The following RASEF variants were observed in gnomAD, a reference collection of about 807,000 sequenced individuals.
RASEF encodes ras and EF-hand domain-containing protein.
A neutral mutation model predicts 90.1 loss-of-function variants in RASEF; 68 were observed. The observed-to-expected ratio is 0.75, with a 90% CI of 0.62 to 0.92. The LOEUF (loss-of-function observed/expected upper bound fraction) is 0.92, where lower values mean the gene tolerates loss of function less well. RASEF is among the 40% of genes least tolerant of loss of function. RASEF has a pLI of 0.00. For missense variants in RASEF, 949 were observed against 937.2 expected, an observed-to-expected ratio of 1.01 and a Z score of -0.16; for synonymous variants, 331 against 345.2, an observed-to-expected ratio of 0.96 and a Z score of 0.46.
the RASEF span, among the ~76,000 whole-genome samples, chr9:83,134,219 G>A: frequency 2.0e-5 from 3 of 151,992 alleles, no homozygotes; most frequent in Non-Finnish European, 4.4e-5. Flanking sequence ...TAGCAGAGGT[G>A]GTTTTACTGT....
At chr9:83,173,201 T>C in the RASEF span, among the ~76,000 whole-genome samples, 15 of 151,948 alleles carry the variant, frequency 9.9e-5, no homozygotes, top group Admixed American at 7.9e-4. Context: ...TTTGAGAGTT[T>C]GATTATTTTA....
chr9:83,172,034 A>T, the RASEF span, among the ~76,000 whole-genome samples: 1 of 151,784 alleles, frequency 6.6e-6, no homozygotes, highest in Non-Finnish European at 1.5e-5. Context: ...TACTTTTTTG[A>T]TGTAGGCATT....
the RASEF span, among the ~76,000 whole-genome samples, chr9:83,190,734 A>G: frequency 2.0e-5 from 3 of 152,178 alleles, no homozygotes; most frequent in Non-Finnish European, 4.4e-5. Context: ...ATTGCCGATG[A>G]TGTACTTTAA....
At chr9:83,185,193 T>C in the RASEF span, among the ~76,000 whole-genome samples, 3 of 151,892 alleles carry the variant, frequency 2.0e-5, no homozygotes, top group Non-Finnish European at 2.9e-5. Flanking sequence ...ATAATTTAAA[T>C]AGGAATAAAA....
the RASEF span, among the ~76,000 whole-genome samples, chr9:83,125,947 C>G: frequency 6.6e-6 from 1 of 152,174 alleles, no homozygotes; most frequent in Non-Finnish European, 1.5e-5. Flanking sequence ...ATCCATGAAC[C>G]AGTGCTATGA....
the RASEF span, among the ~76,000 whole-genome samples, chr9:83,147,576 G>T: frequency 6.6e-6 from 1 of 152,084 alleles, no homozygotes. Flanking sequence ...TTGGGCTCTG[G>T]CCCCATGGTA....
At chr9:83,139,529 G>T in the RASEF span, among the ~76,000 whole-genome samples, 1 of 152,128 alleles carries the variant, frequency 6.6e-6, no homozygotes, top group Non-Finnish European at 1.5e-5. Context: ...ATAAGGAAGA[G>T]AAAATATATT....
the RASEF span, among the ~76,000 whole-genome samples, chr9:83,068,491 A>C: frequency 6.6e-6 from 1 of 152,204 alleles, no homozygotes; most frequent in Non-Finnish European, 1.5e-5. Flanking sequence ...TGAGGATGTC[A>C]CCCTGCTGAC....
chr9:83,163,679 G>T, the RASEF span, among the ~76,000 whole-genome samples: 2,970 of 152,100 alleles, frequency 0.02, 94 homozygotes, highest in African/African-American at 0.068. Context: ...ACATCAAAGA[G>T]AAAACATACC....
chr9:83,059,269 TAC>T (rs59546421), intron 1 of RASEF, among the ~76,000 whole-genome samples: 3,454 of 128,944 alleles, frequency 0.027, 118 homozygotes, highest in African/African-American at 0.088. Flanking sequence ...AAATGCTCAA[TAC>T]ACACACACAC....
At chr9:83,013,890 A>G (rs1320799944) in intron 4 of RASEF, among the ~76,000 whole-genome samples, 1 of 152,238 alleles carries the variant, frequency 6.6e-6, no homozygotes, top group Admixed American at 6.5e-5. Context: ...TTTATAGATC[A>G]GAAACTAAAA....
At chr9:83,186,203 A>G in the RASEF span, among the ~76,000 whole-genome samples, 2 of 152,180 alleles carry the variant, frequency 1.3e-5, no homozygotes, top group Non-Finnish European at 2.9e-5. Context: ...CCCTGGTTTG[A>G]GGAGTCCTGT....
intron 1 of RASEF, among the ~76,000 whole-genome samples, chr9:83,060,739 T>C (rs2117917830): frequency 6.6e-6 from 1 of 152,356 alleles, no homozygotes; most frequent in East Asian, 1.9e-4. Context: ...CAACTCAGTT[T>C]AGATCTCTTC....
the RASEF span, among the ~76,000 whole-genome samples, chr9:83,094,997 C>T: frequency 1.1e-4 from 16 of 152,146 alleles, no homozygotes; most frequent in Non-Finnish European, 1.9e-4. Flanking sequence ...GAAATTACTG[C>T]AGTAATCTCC....
Position 83,000,907 on chromosome 9 carries a change from A to C in RASEF, c.1426T>G (p.Ser476Ala), listed in dbSNP as rs546741924. 4.6e-5 allele frequency: 74 copies of C among 1,613,722 alleles called. No individual in the cohort carries two copies. In the South Asian group the frequency reaches 8.0e-4, roughly 17 times the overall value. The change falls in exon 10 of 17, where the codon TCA (serine) becomes GCA (alanine). Residue 476 changes from serine to alanine, a missense_variant. Around this residue, in one of 3 missense-constraint regions of RASEF, gnomAD observed 288 missense variants for 328.4 expected, o/e 0.88. Coordinates refer to ENST00000376447, the MANE Select transcript of RASEF (RefSeq NM_152573.4). ...TTTCTGGGGCTTACATCTGTGTCTG[A>C]AGCATCACCTCCAAAGCTCTCCTGC... ...GVQESFGGDASDTDVPDIRDE... is the reference protein window; with the variant it reads ...GVQESFGGDAADTDVPDIRDE...
the RASEF span, among the ~76,000 whole-genome samples, chr9:83,209,181 G>A: frequency 1.3e-5 from 2 of 152,338 alleles, no homozygotes; most frequent in East Asian, 3.9e-4. Flanking sequence ...GGTAACGCCT[G>A]AAGGCCCCTC....
chr9:83,055,291 G>A lies in RASEF; in HGVS notation c.431+7146C>T, dbSNP rs535061919. 8.4e-6 allele frequency: 3 copies of A among 356,570 alleles called. No homozygotes were observed. The East Asian group carries it at 2.1e-4, about 25-fold the overall frequency. The allele number at this position is 356,570 out of a possible 1,614,324, so 22.1% of individuals were successfully genotyped here. On this transcript the variant is annotated intron_variant, in intron 1 of 16. Transcript: ENST00000376447. ...GGTCTGAAAAGCGCAATATTCGGGT[G>A]GGAGTGACCCGATTTTCCAGGTGCG...
the RASEF span, among the ~76,000 whole-genome samples, chr9:83,071,011 G>GTT: frequency 2.6e-5 from 4 of 152,172 alleles, no homozygotes; most frequent in African/African-American, 9.7e-5. Context: ...TGTGGTGGCT[G>GTT]TTTTATAGAA....
At chr9:83,103,938 A>G in the RASEF span, among the ~76,000 whole-genome samples, 1 of 152,324 alleles carries the variant, frequency 6.6e-6, no homozygotes, top group South Asian at 2.1e-4. Context: ...CCATTCAATT[A>G]GGGAATTTCC....
Sources: gnomAD v4.1 joint callset for allele counts (sites outside exome capture counted in the v4.1 genomes callset) on GRCh38, gnomAD v4.1.1 for gene constraint, gnomAD v4.1.1 regional missense constraint, MANE v1.5 for transcripts, NCBI Gene and HGNC (gene_info 2026-07-23, HGNC 2026-07-21) for gene names.